NUBP1: variants seen among roughly 807,000 people sequenced by gnomAD.
NUBP1 encodes cytosolic Fe-S cluster assembly factor NUBP1.
A neutral mutation model predicts 41.8 loss-of-function variants in NUBP1; 46 were observed. That is an observed-to-expected ratio of 1.10 (90% CI 0.87 to 1.41). The LOEUF is 1.41. NUBP1 is among the 40% of genes most tolerant of loss of function. The pLI is 0.00. For synonymous variants in NUBP1, 189 were observed against 154.6 expected, an observed-to-expected ratio of 1.22 and a Z score of -1.65; for missense variants, 494 against 414.0, an observed-to-expected ratio of 1.19 and a Z score of -1.68.
chr16:10,768,308 T>TA lies in NUBP1; in HGVS notation c.904+288dup, dbSNP rs35848081. On this transcript the variant is annotated intron_variant, in intron 10 of 10. Coordinates refer to ENST00000283027, the MANE Select transcript of NUBP1 (RefSeq NM_002484.4). This position sits in a 1 kb window ranked among gnomAD's most constrained non-coding sequence, Gnocchi z 4.3. ...GTAATTCATTTTTAAAAGTAACTGATAAAAAAAAAAAAGGCCAGGTGCAGT... is the reference window on the plus strand; with the variant it reads ...GTAATTCATTTTTAAAAGTAACTGATAAAAAAAAAAAAAGGCCAGGTGCAGT... The TA allele has an allele frequency of 0.084, 14,768 of 175,212 alleles. 592 individuals are homozygous for TA. The highest frequency in any genetic ancestry group is 0.18 in the South Asian group (1,435 of 7,818). The allele number at this position is 175,212 out of a possible 1,614,324, so 10.9% of individuals were successfully genotyped here. A position where few individuals can be genotyped will look rare whatever the true frequency, so the allele number is the denominator to read the frequency against.
chr16:10,761,850 C>T lies in NUBP1; in HGVS notation c.811C>T (p.Pro271Ser), dbSNP rs571280854. The change falls in exon 9 of 11, where the codon CCG (proline) becomes TCG (serine). Residue 271 changes from proline (P) to serine (S), a missense_variant. Transcript: ENST00000283027. ...VPLLGRVPLD[P>S]LIGKNCDKGQ... ...TCTCCTCGGCAGAGTGCCCCTGGAT[C>T]CGCTCATAGGTGGGTGACCCCAGTG... 1 of 1,613,722 alleles carries T rather than the reference C, an allele frequency of 6.2e-7. No homozygotes were observed. The highest frequency in any genetic ancestry group is 2.2e-5 in the East Asian group (1 of 44,870).
intron 2 of NUBP1, among the ~76,000 whole-genome samples, chr16:10,744,460 G>A (rs879880481): frequency 3.3e-5 from 5 of 152,238 alleles, no homozygotes; most frequent in African/African-American, 7.2e-5. Context: ...GGCTCTGCCA[G>A]CTACTTTCTT....
rs539225397 is a variant in NUBP1, at chr16:10,758,004, G to A, written c.583G>A (p.Ala195Thr). ...RYLATAHIDG[A>T]VIITTPQEVS... is the part of the protein sequence containing the mutation. ...CCTGGCCACAGCACACATCGATGGA[G>A]CAGTGATCATCACCACTCCCCAGGT... The change falls in exon 7 of 11, where the codon GCA becomes ACA. Residue 195 changes from alanine to threonine, a missense_variant. Transcript: ENST00000283027. The A allele has an allele frequency of 2.2e-5, 35 of 1,614,050 alleles. No individual in the cohort carries two copies. In the South Asian group the frequency reaches 3.6e-4, roughly 17 times the overall value.
In NUBP1 at chr16:10,749,756, C is replaced by T. The variant is rs368822457; in HGVS notation, c.258+2480C>T. On this transcript the variant is annotated intron_variant, in intron 3 of 10. Transcript: ENST00000283027. The surrounding 1 kb of genome is among the most constrained non-coding windows in gnomAD (Gnocchi z 4.1). Reference sequence around the variant, plus strand: ...ATCTGGTGGAAGCTTGGCTCTAACTCTGTGCAAGACCATTCCATGTTAGCG... The same window carrying T: ...ATCTGGTGGAAGCTTGGCTCTAACTTTGTGCAAGACCATTCCATGTTAGCG... Among the ~76,000 whole-genome samples, 6 of 152,358 alleles carry T rather than the reference C, an allele frequency of 3.9e-5. No individual in the cohort carries two copies. The highest frequency in any genetic ancestry group is 1.4e-4 in the African/African-American group (6 of 41,588).
chr16:10,759,950 C>G lies in NUBP1; in HGVS notation c.607-1414C>G, dbSNP rs1596461629. Among the ~76,000 whole-genome samples, 1 of 152,174 alleles carries G rather than the reference C, an allele frequency of 6.6e-6. No individual in the cohort carries two copies. Among genetic ancestry groups the G allele is most frequent in the African/African-American group, 2.4e-5 (1 of 41,442 alleles). ...CACGTGAGTGGTGAAGCTCCAGGTGCTAAGGAGTCACTACACCTGACAGTG... is the reference window on the plus strand; with the variant it reads ...CACGTGAGTGGTGAAGCTCCAGGTGGTAAGGAGTCACTACACCTGACAGTG... On this transcript the variant is annotated intron_variant, in intron 7 of 10. Coordinates refer to ENST00000283027, the MANE Select transcript of NUBP1 (RefSeq NM_002484.4). The surrounding 1 kb of genome is among the most constrained non-coding windows in gnomAD (Gnocchi z 4.7).
chr16:10,757,884 C>T lies in NUBP1; in HGVS notation c.463C>T (p.Gln155Ter). 1.2e-6 allele frequency: 2 copies of T among 1,613,694 alleles called. No homozygotes were observed. Among genetic ancestry groups the T allele is most frequent in the Non-Finnish European group, 8.5e-7 (1 of 1,179,664 alleles). Residue 155 changes from glutamine (Q) to a stop codon, truncating the protein, a stop_gained, in exon 7 of 11, where the codon CAG becomes TAG. Coordinates refer to ENST00000283027, the MANE Select transcript of NUBP1 (RefSeq NM_002484.4). LOFTEE classifies it high-confidence loss of function. This position sits in a 1 kb window ranked among gnomAD's most constrained non-coding sequence, Gnocchi z 4.1. ...RGPKKNGMIK[Q>*]FLRDVDWGEV... Reference sequence around the variant, plus strand: ...ATTCCTCTTTCTAGGCATGATCAAGCAGTTCCTCCGAGATGTGGACTGGGG... The same window carrying T: ...ATTCCTCTTTCTAGGCATGATCAAGTAGTTCCTCCGAGATGTGGACTGGGG...
intron 9 of NUBP1, among the ~76,000 whole-genome samples, chr16:10,762,559 G>A (rs1018945878): frequency 1.3e-5 from 2 of 152,214 alleles, no homozygotes; most frequent in Non-Finnish European, 2.9e-5. Flanking sequence ...GGAGCCGGGC[G>A]GGCCTCCGTT....
chr16:10,768,308 T>TAAA lies in NUBP1; in HGVS notation c.904+286_904+288dup. 2.3e-5 allele frequency: 4 copies of TAAA among 175,236 alleles called. No homozygotes were observed. The highest frequency in any genetic ancestry group is 4.7e-5 in the Non-Finnish European group (4 of 84,788). 10.9% of individuals were successfully genotyped at this position (175,236 alleles called of 1,614,324 possible). A position where few individuals can be genotyped will look rare whatever the true frequency, so the allele number is the denominator to read the frequency against. ...GTAATTCATTTTTAAAAGTAACTGATAAAAAAAAAAAAGGCCAGGTGCAGT... is the reference window on the plus strand; with the variant it reads ...GTAATTCATTTTTAAAAGTAACTGATAAAAAAAAAAAAAAAGGCCAGGTGCAGT... On this transcript the variant is annotated intron_variant, in intron 10 of 10. Coordinates refer to ENST00000283027, the MANE Select transcript of NUBP1 (RefSeq NM_002484.4). The surrounding 1 kb of genome is among the most constrained non-coding windows in gnomAD (Gnocchi z 4.3).
intron 3 of NUBP1, among the ~76,000 whole-genome samples, chr16:10,750,502 A>G (rs1263203614): frequency 2.6e-5 from 4 of 152,110 alleles, no homozygotes; most frequent in Non-Finnish European, 4.4e-5. Context: ...TCAACCTCCC[A>G]AAGTTCTGAA....
rs182918912 is a variant in NUBP1 at position 10,755,002 on chromosome 16, G to A, written c.328-719G>A. ...GGAGGTTGCAGTGAGTCAGGATCACGCCACTGCACTCCAGCCTGGTCGACA... is the reference window on the plus strand; with the variant it reads ...GGAGGTTGCAGTGAGTCAGGATCACACCACTGCACTCCAGCCTGGTCGACA... On this transcript the variant is annotated intron_variant, in intron 4 of 10. Coordinates refer to ENST00000283027, the MANE Select transcript of NUBP1 (RefSeq NM_002484.4). Among the ~76,000 whole-genome samples the A allele has an allele frequency of 3.6e-3, 541 of 152,196 alleles. 3 individuals carry two copies. The highest frequency in any genetic ancestry group is 5.1e-3 in the Non-Finnish European group (349 of 68,008).
Position 10,748,828 on chromosome 16 carries a change from C to T in NUBP1, c.258+1552C>T, listed in dbSNP as rs570558223. Among the ~76,000 whole-genome samples, 13 of 152,144 alleles carry T rather than the reference C, an allele frequency of 8.5e-5. No individual in the cohort carries two copies. In the East Asian group the frequency reaches 1.5e-3, roughly 18 times the overall value. The stretch of plus-strand genomic sequence containing the variant: ...TTGTTGGGCAGGGCATGGTGGCTTA[C>T]ACTGTAATCACAGCACTTTGGGAGG... On this transcript the variant is annotated intron_variant, in intron 3 of 10. Transcript: ENST00000283027.
chr16:10,761,199 C>G lies in NUBP1; in HGVS notation c.607-165C>G, dbSNP rs549356610. 1.2e-5 allele frequency: 7 copies of G among 566,780 alleles called. No homozygotes were observed. In the Admixed American group the frequency reaches 1.5e-4, roughly 12 times the overall value. 35.1% of individuals were successfully genotyped at this position (566,780 alleles called of 1,614,324 possible). ...TGTAGGGATGATGGGGATTACAGTTCGAGCTGAGATTTGGATGGGGACACA... is the reference window on the plus strand; with the variant it reads ...TGTAGGGATGATGGGGATTACAGTTGGAGCTGAGATTTGGATGGGGACACA... On this transcript the variant is annotated intron_variant, in intron 7 of 10. Transcript: ENST00000283027.
At position 10,767,826 on chromosome 16, in the gene NUBP1, CA is replaced by C; in HGVS notation, c.821-122del. ...CACTGGTCTTTTCTACTTTGTTCTTCATTACGAGTGAAGCGGGCTCAAGATC... is the reference window on the plus strand; with the variant it reads ...CACTGGTCTTTTCTACTTTGTTCTTCTTACGAGTGAAGCGGGCTCAAGATC... On this transcript the variant is annotated intron_variant, in intron 9 of 10. Coordinates refer to ENST00000283027, the MANE Select transcript of NUBP1 (RefSeq NM_002484.4). The surrounding 1 kb of genome is among the most constrained non-coding windows in gnomAD (Gnocchi z 4.6). The C allele has an allele frequency of 1.1e-6, 1 of 871,944 alleles. No individual in the cohort carries two copies. The highest frequency in any genetic ancestry group is 2.1e-5 in the Admixed American group (1 of 48,568). The allele number at this position is 871,944 out of a possible 1,614,324, so 54.0% of individuals were successfully genotyped here.
chr16:10,747,119 C>T (rs1260827992), intron 2 of NUBP1, 24 bp from the exon 3 acceptor site: 5 of 1,613,168 alleles, frequency 3.1e-6, no homozygotes, highest in South Asian at 1.1e-5. Flanking sequence ...GACCTCATCC[C>T]CTGAACTTTG....
In NUBP1 at chr16:10,766,264, C is replaced by G. The variant is rs2030863157; in HGVS notation, c.821-1685C>G. The G allele has an allele frequency of 2.0e-5, 3 of 152,472 alleles. No individual in the cohort carries two copies. The highest frequency in any genetic ancestry group is 1.3e-4 in the Admixed American group (2 of 15,288). 9.4% of individuals were successfully genotyped at this position (152,472 alleles called of 1,614,324 possible). On this transcript the variant is annotated intron_variant, in intron 9 of 10. Transcript: ENST00000283027. This position sits in a 1 kb window ranked among gnomAD's most constrained non-coding sequence, Gnocchi z 4.8. ...CCTCGATGGCCCCGTGTGTAAAATG[C>G]AGGTGACAGTGGTGCCTAGTGAGAG...
In NUBP1 at chr16:10,744,059, G is replaced by C; in HGVS notation, c.118G>C (p.Asp40His). The C allele has an allele frequency of 6.3e-7, 1 of 1,576,638 alleles. No individual in the cohort carries two copies. Among genetic ancestry groups the C allele is most frequent in the South Asian group, 1.2e-5 (1 of 85,556 alleles). ...CGCTTCTGGAGCGGGGGCCACTCCGGACACGGGTGAGAAAAGGGCAAGGCC... is the reference window on the plus strand; with the variant it reads ...CGCTTCTGGAGCGGGGGCCACTCCGCACACGGGTGAGAAAAGGGCAAGGCC... ...LCASGAGATPDTAIEEIKEKM... is the reference protein window; with the variant it reads ...LCASGAGATPHTAIEEIKEKM... Residue 40 changes from aspartate to histidine, a missense_variant, in exon 2 of 11, where the codon GAC becomes CAC. Physicochemically the swap from Asp to His is moderately conservative, Grantham distance 81. Transcript: ENST00000283027.
rs1900238878 is a variant in NUBP1 at position 10,749,905 on chromosome 16, G to C, written c.258+2629G>C. Reference sequence around the variant, plus strand: ...CAGGGAGTGTGTAAGTTGTGGTGAAGGCAGAAGGAGCCTCTGTAGCATAAG... The same window carrying C: ...CAGGGAGTGTGTAAGTTGTGGTGAACGCAGAAGGAGCCTCTGTAGCATAAG... On this transcript the variant is annotated intron_variant, in intron 3 of 10. Transcript: ENST00000283027. The surrounding 1 kb of genome is among the most constrained non-coding windows in gnomAD (Gnocchi z 4.1). Among the ~76,000 whole-genome samples, 1 of 152,220 alleles carries C rather than the reference G, an allele frequency of 6.6e-6. No homozygotes were observed. The highest frequency in any genetic ancestry group is 2.4e-5 in the African/African-American group (1 of 41,444).
At chr16:10,762,658 G>C (rs1297161332) in intron 9 of NUBP1, among the ~76,000 whole-genome samples, 1 of 152,248 alleles carries the variant, frequency 6.6e-6, no homozygotes, top group East Asian at 1.9e-4. Flanking sequence ...CTGGAGGGGA[G>C]GCCGGGATCC....
Position 10,767,169 on chromosome 16 carries a change from G to C in NUBP1, c.821-780G>C, listed in dbSNP as rs1329425312. The C allele has an allele frequency of 5.0e-6, 2 of 399,392 alleles. No homozygotes were observed. The highest frequency in any genetic ancestry group is 4.1e-5 in the African/African-American group (2 of 48,666). 24.7% of individuals were successfully genotyped at this position (399,392 alleles called of 1,614,324 possible). A position where few individuals can be genotyped will look rare whatever the true frequency, so the allele number is the denominator to read the frequency against. ...GCAGCTCAGGCCTGGGGAGTGGGCA[G>C]AGCAAGCTGATGGCAGGTCCACCCA... is the stretch of plus-strand genomic sequence containing the variant. On this transcript the variant is annotated intron_variant, in intron 9 of 10. Transcript: ENST00000283027. The surrounding 1 kb of genome is among the most constrained non-coding windows in gnomAD (Gnocchi z 4.6).
Sources: allele counts gnomAD v4.1 joint callset (sites outside exome capture counted in the v4.1 genomes callset), GRCh38; gene constraint gnomAD v4.1.1; non-coding constraint Gnocchi (gnomAD v3.1); transcripts MANE v1.5; gene names NCBI Gene and HGNC (gene_info 2026-07-23, HGNC 2026-07-21).